The following MAPK10 variants were observed in gnomAD, a reference collection of about 807,000 sequenced individuals.
MAPK10 encodes mitogen-activated protein kinase 10.
MAPK10 carries 25 observed loss-of-function variants against 59.3 expected under a neutral mutation model. The observed-to-expected ratio is 0.42, with a 90% CI of 0.31 to 0.59. The LOEUF (loss-of-function observed/expected upper bound fraction) is 0.59, where lower values mean the gene tolerates loss of function less well. MAPK10 is among the 20% of genes least tolerant of loss of function. MAPK10 has a pLI of 0.15. For missense variants in MAPK10, 351 were observed against 568.9 expected, an observed-to-expected ratio of 0.62 and a Z score of 3.90; for synonymous variants, 190 against 200.5, an observed-to-expected ratio of 0.95 and a Z score of 0.44.
chr4:86,027,412 A>G (rs1750901602), intron 13 of MAPK10: 1 of 152,186 alleles, frequency 6.6e-6, no homozygotes, highest in South Asian at 2.1e-4. Flanking sequence ...ATGAATATAT[A>G]TTTCCCAAAA....
intron 2 of MAPK10, among the ~76,000 whole-genome samples, chr4:86,353,631 A>G (rs1732832851): frequency 6.6e-6 from 1 of 152,186 alleles, no homozygotes; most frequent in Admixed American, 6.5e-5. Flanking sequence ...AATTCACTAT[A>G]TGAAATAACT....
intron 9 of MAPK10, chr4:86,082,180 A>G (rs2050797037): frequency 6.6e-6 from 1 of 152,198 alleles, no homozygotes; most frequent in African/African-American, 2.4e-5. Flanking sequence ...AGAAATATTT[A>G]GAACTGTGGC....
chr4:86,400,574 AC>A (rs1402251619), intron 1 of MAPK10, among the ~76,000 whole-genome samples: 1 of 152,164 alleles, frequency 6.6e-6, no homozygotes, highest in African/African-American at 2.4e-5. Context: ...GTGCACTCAA[AC>A]CAGGATATTG....
At position 86,396,288 on chromosome 4, in the gene MAPK10, A is replaced by G. The variant is rs181962669; in HGVS notation, c.-121-41644T>C. Among the ~76,000 whole-genome samples the G allele has an allele frequency of 1.0e-2, 1,516 of 152,268 alleles. 18 individuals carry two copies. Among genetic ancestry groups the G allele is most frequent in the African/African-American group, 0.035 (1,438 of 41,578 alleles). On this transcript the variant is annotated intron_variant, in intron 1 of 13. Coordinates refer to the MAPK10 transcript ENST00000361569. Reference sequence around the variant, plus strand: ...CGCGAACCCAGGAGGCGGAGCTTGCAGTGAGCCGAGATCGTGCCACTGCAC... The same window carrying G: ...CGCGAACCCAGGAGGCGGAGCTTGCGGTGAGCCGAGATCGTGCCACTGCAC...
chr4:86,405,813 G>A (rs1417631412), intron 1 of MAPK10, among the ~76,000 whole-genome samples: 2 of 152,168 alleles, frequency 1.3e-5, no homozygotes, highest in Non-Finnish European at 2.9e-5. Flanking sequence ...GCTGTCTTGT[G>A]AGAATTGAGT....
In MAPK10 at chr4:86,101,948, C is replaced by T. The variant is rs1050952985; in HGVS notation, c.510G>A (p.Leu170=). The T allele has an allele frequency of 2.5e-6, 4 of 1,613,898 alleles. No homozygotes were observed. The highest frequency in any genetic ancestry group is 1.7e-6 in the Non-Finnish European group (2 of 1,179,922). ...ELDHERMSYL[L]YQMLCGIKHL... is the part of the protein sequence containing the mutation. ...GCTTAATGCCACACAACATTTGGTACAGCAGGTAAGACATTCGCTCATGGT... is the reference window on the plus strand; with the variant it reads ...GCTTAATGCCACACAACATTTGGTATAGCAGGTAAGACATTCGCTCATGGT... The change falls in exon 7 of 14, where the codon CTG becomes CTA. Residue 170 remains leucine, a synonymous_variant. Transcript: ENST00000641462.
chr4:86,102,323 T>C, intron 6 of MAPK10: 1 of 276,236 alleles, frequency 3.6e-6, no homozygotes, highest in Non-Finnish European at 6.8e-6. Flanking sequence ...TTGTGAATAT[T>C]ATAATTTCAA....
intron 2 of MAPK10, among the ~76,000 whole-genome samples, chr4:86,287,510 G>T (rs1021883229): frequency 1.3e-5 from 2 of 152,156 alleles, no homozygotes; most frequent in Non-Finnish European, 2.9e-5. Flanking sequence ...TTTTAGGAAA[G>T]AAATAGTCAT....
At chr4:86,410,423 A>C (rs1027739778) in intron 1 of MAPK10, among the ~76,000 whole-genome samples, 1 of 152,178 alleles carries the variant, frequency 6.6e-6, no homozygotes, top group East Asian at 1.9e-4. Flanking sequence ...TCATAAAATG[A>C]ATTAGGGAGG....
chr4:86,194,252 G>C (rs1246280598), intron 3 of MAPK10, 84 bp downstream of exon 3: 1 of 1,018,158 alleles, frequency 9.8e-7, no homozygotes, highest in Non-Finnish European at 1.5e-6. Context: ...ACTGACTTTG[G>C]TGTGGAATGT....
intron 2 of MAPK10, chr4:86,352,314 A>G (rs2148964584): frequency 6.6e-6 from 1 of 152,294 alleles, no homozygotes; most frequent in East Asian, 1.9e-4. Context: ...CCAAATGTTC[A>G]ACAACAATAG....
At chr4:86,415,933 A>C (rs1008811034) in intron 1 of MAPK10, among the ~76,000 whole-genome samples, 7 of 152,200 alleles carry the variant, frequency 4.6e-5, no homozygotes, top group Admixed American at 3.9e-4. Context: ...AGTTGGATTT[A>C]AGTTTTATCA....
intron 11 of MAPK10, among the ~76,000 whole-genome samples, chr4:86,051,196 C>T (rs2043452152): frequency 6.6e-6 from 1 of 152,104 alleles, no homozygotes; most frequent in Non-Finnish European, 1.5e-5. Flanking sequence ...CTTACAATTG[C>T]CCTACCATTA....
intron 1 of MAPK10, among the ~76,000 whole-genome samples, chr4:86,579,415 A>G (rs1247122470): frequency 1.3e-5 from 2 of 152,114 alleles, no homozygotes; most frequent in African/African-American, 4.8e-5. Context: ...TGCCATGCAC[A>G]TTTACCTCAT....
At chr4:86,517,637 C>T (rs1756791821) in intron 1 of MAPK10, among the ~76,000 whole-genome samples, 1 of 152,046 alleles carries the variant, frequency 6.6e-6, no homozygotes, top group Non-Finnish European at 1.5e-5. Flanking sequence ...ATTTTTGCAT[C>T]TCTGTCCATC....
At position 86,101,705 on chromosome 4, in the gene MAPK10, T is replaced by C. The variant is rs570574458; in HGVS notation, c.564+189A>G. ...CATCTCAATGAGCCAAAACATAACA[T>C]TGAACAAACTCAACTACAATATAAC... On this transcript the variant is annotated intron_variant, in intron 7 of 13. Transcript: ENST00000641462. Among the ~76,000 whole-genome samples, 5 of 152,286 alleles carry C rather than the reference T, an allele frequency of 3.3e-5. No homozygotes were observed. In the East Asian group the frequency reaches 9.6e-4, roughly 29 times the overall value.
At chr4:86,145,191 T>C (rs560969990) in intron 4 of MAPK10, among the ~76,000 whole-genome samples, 166 of 152,174 alleles carry the variant, frequency 1.1e-3, no homozygotes, top group African/African-American at 3.8e-3. Context: ...AAAGATTTCT[T>C]GGTCCATTCA....
intron 3 of MAPK10, among the ~76,000 whole-genome samples, chr4:86,182,131 C>T (rs1459985704): frequency 6.6e-6 from 1 of 151,876 alleles, no homozygotes; most frequent in African/African-American, 2.4e-5. Flanking sequence ...TATTGTCCAA[C>T]ATTACAAAGA....
intron 9 of MAPK10, among the ~76,000 whole-genome samples, chr4:86,075,936 C>A (rs2049261533): frequency 6.6e-6 from 1 of 152,078 alleles, no homozygotes; most frequent in Admixed American, 6.5e-5. Flanking sequence ...TTCGAGTTTC[C>A]AGGCTGCTTT....
Sources: allele counts gnomAD v4.1 joint callset (sites outside exome capture counted in the v4.1 genomes callset), GRCh38; gene constraint gnomAD v4.1.1; transcripts MANE v1.5; gene names NCBI Gene and HGNC (gene_info 2026-07-23, HGNC 2026-07-21).